Variants in EIF2AK2 observed in about 807,000 individuals in gnomAD.
EIF2AK2 encodes interferon-induced, double-stranded RNA-activated protein kinase.
EIF2AK2 carries 40 observed loss-of-function variants against 70.5 expected under a neutral mutation model. The observed-to-expected ratio is 0.57, with a 90% CI of 0.44 to 0.74. The LOEUF (loss-of-function observed/expected upper bound fraction) is 0.74. EIF2AK2 is among the 30% of genes least tolerant of loss of function. EIF2AK2 has a pLI of 0.00. For synonymous variants in EIF2AK2, 198 were observed against 220.9 expected (o/e 0.90, Z 0.92); for missense variants, 555 against 644.3 (o/e 0.86, Z 1.50).
Position 37,154,325 on chromosome 2 carries a change from C to CA in EIF2AK2, c.-184+2582dup, listed in dbSNP as rs72236179. ...GGGCAACAAGAGCGAAACTCCGTCT[C>CA]AAAAAAAAAAACAAAAACAAAACAA... is the stretch of plus-strand genomic sequence containing the variant. On this transcript the variant is annotated intron_variant, in intron 1 of 16. Transcript: ENST00000233057. 8.7e-4 allele frequency among the ~76,000 whole-genome samples: 122 copies of CA among 139,588 alleles called. 1 individual carries two copies. The highest frequency in any genetic ancestry group is 7.4e-3 in the Middle Eastern group (2 of 272). The allele number at this position is 139,588 out of a possible 152,430, so 91.6% of individuals were successfully genotyped here.
rs1290733547 is a variant in EIF2AK2 at position 37,109,248 on chromosome 2, C to T, written c.1425G>A (p.Gly475=). 1 of 1,613,960 alleles carries T rather than the reference C, an allele frequency of 6.2e-7. No individual in the cohort carries two copies. Among genetic ancestry groups the T allele is most frequent in the African/African-American group, 1.3e-5 (1 of 74,916 alleles). The change falls in exon 15 of 17, where the codon GGG becomes GGA. Residue 475 remains glycine, a synonymous_variant. Coordinates refer to ENST00000233057, the MANE Select transcript of EIF2AK2 (RefSeq NM_001135651.3). ...YGKEVDLYAL[G]LILAELLHVC... is the part of the protein sequence containing the mutation. ...CATGAAGAAGTTCAGCAAGAATTAG[C>T]CCCAAAGCGTAGAGGTCCACTTCCT...
chr2:37,116,477 C>T (rs987677927), intron 13 of EIF2AK2, among the ~76,000 whole-genome samples: 1 of 152,180 alleles, frequency 6.6e-6, no homozygotes, highest in African/African-American at 2.4e-5. Flanking sequence ...TTAATACAAT[C>T]TTAGGCTAAA....
At chr2:37,151,511 T>C (rs1048009168) in intron 1 of EIF2AK2, among the ~76,000 whole-genome samples, 3 of 152,174 alleles carry the variant, frequency 2.0e-5, no homozygotes, top group African/African-American at 7.2e-5. Flanking sequence ...GATAAGAATG[T>C]AAAACAATAC....
chr2:37,145,551 GA>G lies in EIF2AK2; in HGVS notation c.240+1301del, dbSNP rs567242590. Among the ~76,000 whole-genome samples the G allele has an allele frequency of 4.3e-3, 647 of 151,802 alleles. 4 individuals carry two copies. Among genetic ancestry groups the G allele is most frequent in the African/African-American group, 0.014 (578 of 41,450 alleles). ...AAGCTAAGGTTAATTTATTATTGAAGAAAAAAAATTTAAATAAAATGAATGT... is the reference window on the plus strand; with the variant it reads ...AAGCTAAGGTTAATTTATTATTGAAGAAAAAAATTTAAATAAAATGAATGT... On this transcript the variant is annotated intron_variant, in intron 4 of 16. Coordinates refer to ENST00000233057, the MANE Select transcript of EIF2AK2 (RefSeq NM_001135651.3).
chr2:37,125,776 A>G (rs1174844528), intron 11 of EIF2AK2, among the ~76,000 whole-genome samples: 1 of 152,224 alleles, frequency 6.6e-6, no homozygotes, highest in Non-Finnish European at 1.5e-5. Flanking sequence ...AGACAACAAT[A>G]AATTGCTGTT....
chr2:37,155,849 G>A (rs1023349858), intron 1 of EIF2AK2, among the ~76,000 whole-genome samples: 3 of 150,704 alleles, frequency 2.0e-5, no homozygotes, highest in Non-Finnish European at 2.9e-5. Flanking sequence ...GCTGAGGAAG[G>A]AAAATCGCTT....
chr2:37,137,176 G>T (rs1055571417), intron 8 of EIF2AK2, among the ~76,000 whole-genome samples, 159 bp from the exon 9 acceptor site: 4 of 152,008 alleles, frequency 2.6e-5, no homozygotes, highest in African/African-American at 9.7e-5. Context: ...ACTTAGTATT[G>T]TAAGACTTAA....
chr2:37,113,207 G>C (rs1424544932), intron 14 of EIF2AK2, among the ~76,000 whole-genome samples: 5 of 152,072 alleles, frequency 3.3e-5, no homozygotes, highest in African/African-American at 1.2e-4. Flanking sequence ...CAATTTAAAA[G>C]CTGCAGTGCT....
At chr2:37,132,247 T>C (rs971064121) in intron 10 of EIF2AK2, among the ~76,000 whole-genome samples, 1 of 152,134 alleles carries the variant, frequency 6.6e-6, no homozygotes, top group Admixed American at 6.5e-5. Context: ...GGGGGCACAA[T>C]TCAAACTCCC....
At chr2:37,149,265 T>C (rs1034569293) in intron 1 of EIF2AK2, 56 of 1,065,126 alleles carry the variant, frequency 5.3e-5, no homozygotes, top group Non-Finnish European at 5.8e-5. Flanking sequence ...AAACTGAAAT[T>C]GAAGGAGGAG....
At chr2:37,149,073 G>C (rs577943826) in intron 1 of EIF2AK2, 50 bp from the exon 2 acceptor site, 386 of 972,936 alleles carry the variant, frequency 4.0e-4, no homozygotes, top group Admixed American at 2.2e-4. Flanking sequence ...CGCTGGTTCA[G>C]ACAGACGAGT....
At chr2:37,113,498 C>CA (rs61174879) in intron 14 of EIF2AK2, among the ~76,000 whole-genome samples, 3,766 of 32,510 alleles carry the variant, frequency 0.12, 354 homozygotes, top group African/African-American at 0.15. Flanking sequence ...AACTCCATCT[C>CA]AAAAAAAAAA....
rs1210846032 is a variant in EIF2AK2, at chr2:37,106,072, G to C, written c.*1201C>G. 2 of 152,188 alleles carry C rather than the reference G, an allele frequency of 1.3e-5. No individual in the cohort carries two copies. Among genetic ancestry groups the C allele is most frequent in the African/African-American group, 4.8e-5 (2 of 41,442 alleles). 9.4% of individuals were successfully genotyped at this position (152,188 alleles called of 1,614,324 possible). ...GCTTAAGGAAGTTACCATTACCTTTGAAAGTCCATTTCCCCAATCACATCA... is the reference window on the plus strand; with the variant it reads ...GCTTAAGGAAGTTACCATTACCTTTCAAAGTCCATTTCCCCAATCACATCA... On this transcript the variant is annotated 3_prime_UTR_variant, in exon 17 of 17. Coordinates refer to ENST00000233057, the MANE Select transcript of EIF2AK2 (RefSeq NM_001135651.3).
chr2:37,156,729 C>T (rs1401375120), intron 1 of EIF2AK2, among the ~76,000 whole-genome samples, 179 bp downstream of exon 1: 31 of 152,338 alleles, frequency 2.0e-4, no homozygotes, highest in Admixed American at 2.0e-3. Context: ...GGCTGCGGAC[C>T]TGGGCCTGCT....
chr2:37,117,830 G>T (rs543500635), intron 13 of EIF2AK2, among the ~76,000 whole-genome samples: 1 of 152,320 alleles, frequency 6.6e-6, no homozygotes, highest in East Asian at 1.9e-4. Flanking sequence ...AACACTTGGA[G>T]ACTTTTGTAA....
Position 37,107,335 on chromosome 2 carries a change from T to G in EIF2AK2, c.1594A>C (p.Ile532Leu). 6.2e-7 allele frequency: 1 copy of G among 1,614,066 alleles called. No individual in the cohort carries two copies. ...TTCCACACAGTCAAGGTCCTTAGTATTTCAGATGTGTTAGGTCGATCCTCA... is the reference window on the plus strand; with the variant it reads ...TTCCACACAGTCAAGGTCCTTAGTAGTTCAGATGTGTTAGGTCGATCCTCA... ...KPEDRPNTSE[I>L]LRTLTVWKKS... The change falls in exon 17 of 17, where the codon ATA (isoleucine) becomes CTA (leucine). Residue 532 changes from isoleucine to leucine, a missense_variant. By Grantham distance (5) the Ile-to-Leu change is conservative. This residue lies in a region of EIF2AK2 where 299 missense variants were observed against 375.4 expected (regional missense o/e 0.80). Transcript: ENST00000233057.
chr2:37,113,424 G>C (rs530547434), intron 14 of EIF2AK2, among the ~76,000 whole-genome samples: 1 of 149,588 alleles, frequency 6.7e-6, no homozygotes, highest in South Asian at 2.1e-4. Flanking sequence ...GAACCCGGGA[G>C]GCAGAGGTTG....
chr2:37,119,341 C>T (rs112311626), intron 13 of EIF2AK2, among the ~76,000 whole-genome samples: 2 of 152,116 alleles, frequency 1.3e-5, no homozygotes, highest in South Asian at 2.1e-4. Flanking sequence ...ACAGCCCTCG[C>T]GAGTAATGAC....
At chr2:37,112,015 G>A (rs1656544960) in intron 14 of EIF2AK2, among the ~76,000 whole-genome samples, 1 of 148,970 alleles carries the variant, frequency 6.7e-6, no homozygotes. Context: ...CCCCAATGCT[G>A]CACTGGCCTC....
Sources: allele counts gnomAD v4.1 joint callset (sites outside exome capture counted in the v4.1 genomes callset), GRCh38; gene constraint gnomAD v4.1.1; regional missense constraint gnomAD v4.1.1; transcripts MANE v1.5; gene names NCBI Gene and HGNC (gene_info 2026-07-23, HGNC 2026-07-21).